KCNK10: variants seen among roughly 807,000 people sequenced by gnomAD.
The protein encoded by KCNK10 is potassium channel subfamily K member 10.
KCNK10 carries 25 observed loss-of-function variants against 47.7 expected under a neutral mutation model. The observed-to-expected ratio is 0.52, with a 90% CI of 0.38 to 0.73. KCNK10 has a LOEUF of 0.73. Among genes scored for constraint, KCNK10 ranks in the 30% least tolerant of loss-of-function variants. The pLI is 0.00. For missense variants in KCNK10, 563 were observed against 714.5 expected, an observed-to-expected ratio of 0.79 and a Z score of 2.42; for synonymous variants, 303 against 285.6, an observed-to-expected ratio of 1.06 and a Z score of -0.61.
In KCNK10 at chr14:88,323,232, AC is replaced by A; in HGVS notation, c.-435del. 9.9e-7 allele frequency: 1 copy of A among 1,013,606 alleles called. No individual in the cohort carries two copies. The highest frequency in any genetic ancestry group is 1.2e-6 in the Non-Finnish European group (1 of 846,864). The allele number at this position is 1,013,606 out of a possible 1,614,324, so 62.8% of individuals were successfully genotyped here. On this transcript the variant is annotated 5_prime_UTR_variant, in exon 1 of 7. Coordinates refer to ENST00000319231, the MANE Select transcript of KCNK10 (RefSeq NM_138317.3). ...AAGGCGTGTGCGCACACACTCCCGCACACACACACCCGCACACACACTCCCG... is the reference window on the plus strand; with the variant it reads ...AAGGCGTGTGCGCACACACTCCCGCAACACACACCCGCACACACACTCCCG...
chr14:88,274,532 C>A, intron 1 of KCNK10, among the ~76,000 whole-genome samples: 1 of 71,614 alleles, frequency 1.4e-5, no homozygotes. Context: ...GCCTGGGTGA[C>A]AGAGTGAGAC....
upstream of KCNK10, among the ~76,000 whole-genome samples, chr14:88,326,207 A>C (rs1460685570): frequency 1.5e-5 from 2 of 134,508 alleles, no homozygotes; most frequent in Non-Finnish European, 3.1e-5. Context: ...AAATCCACCA[A>C]AATTAGGTAA....
Position 88,185,501 on chromosome 14 carries a change from A to T in KCNK10, c.*34T>A. On this transcript the variant is annotated 3_prime_UTR_variant, in exon 7 of 7. Transcript: ENST00000319231. This position sits in a 1 kb window ranked among gnomAD's most constrained non-coding sequence, Gnocchi z 4.3. The stretch of plus-strand genomic sequence containing the variant: ...ATTAAAAACACACACACACACACAC[A>T]CAACGCTCAGTCCAAGACCAATGTC... 1 of 1,590,618 alleles carries T rather than the reference A, an allele frequency of 6.3e-7. No homozygotes were observed. The highest frequency in any genetic ancestry group is 8.6e-7 in the Non-Finnish European group (1 of 1,166,828).
intron 1 of KCNK10, among the ~76,000 whole-genome samples, chr14:88,278,081 G>A (rs1306255693): frequency 6.6e-6 from 1 of 152,218 alleles, no homozygotes; most frequent in African/African-American, 2.4e-5. Context: ...AATCCCTGCT[G>A]TCCAGGAATG....
chr14:88,189,784 C>T lies in KCNK10; in HGVS notation c.869-1675G>A, dbSNP rs528602282. ...CAACCATCAACTCTTGTTAATGTAT[C>T]GTTTTCCAATGATTGGGCAACCTTC... On this transcript the variant is annotated intron_variant, in intron 5 of 6. Transcript: ENST00000319231. Among the ~76,000 whole-genome samples the T allele has an allele frequency of 2.0e-5, 3 of 152,152 alleles. No homozygotes were observed. The South Asian group carries it at 6.2e-4, about 31-fold the overall frequency.
chr14:88,325,288 A>C (rs749262093), upstream of KCNK10, among the ~76,000 whole-genome samples: 2 of 152,158 alleles, frequency 1.3e-5, no homozygotes, highest in African/African-American at 2.4e-5. Flanking sequence ...CTGCAATACA[A>C]TGTTTTTTAC....
chr14:88,267,971 A>C (rs544330193), intron 1 of KCNK10, among the ~76,000 whole-genome samples: 57 of 152,310 alleles, frequency 3.7e-4, no homozygotes, highest in African/African-American at 1.3e-3. Context: ...ATCACACTGC[A>C]TGAGTCCAGG....
intron 1 of KCNK10, among the ~76,000 whole-genome samples, chr14:88,281,779 T>C (rs1887656898): frequency 6.7e-6 from 1 of 149,650 alleles, no homozygotes; most frequent in Non-Finnish European, 1.5e-5. Context: ...CATACATATG[T>C]ACATATATAC....
chr14:88,202,638 C>T (rs1451550659), intron 4 of KCNK10, among the ~76,000 whole-genome samples: 1 of 152,212 alleles, frequency 6.6e-6, no homozygotes, highest in Non-Finnish European at 1.5e-5. Flanking sequence ...TGTGGAGATT[C>T]TCAGAGGCAG....
intron 2 of KCNK10, among the ~76,000 whole-genome samples, chr14:88,245,098 A>G (rs965834819): frequency 2.0e-5 from 3 of 152,248 alleles, no homozygotes; most frequent in Non-Finnish European, 4.4e-5. Context: ...TGAATGTTTT[A>G]AGTTAACAAT....
chr14:88,294,769 C>A (rs1887952251), intron 1 of KCNK10, among the ~76,000 whole-genome samples: 1 of 152,208 alleles, frequency 6.6e-6, no homozygotes, highest in Non-Finnish European at 1.5e-5. Flanking sequence ...ATATTGCCAG[C>A]TTTCTCTTTC....
intron 2 of KCNK10, among the ~76,000 whole-genome samples, chr14:88,243,214 C>T (rs1011909933): frequency 1.8e-4 from 27 of 152,210 alleles, no homozygotes; most frequent in African/African-American, 6.5e-4. Context: ...TAAGTGCCTG[C>T]CTTTCGCCAG....
intron 2 of KCNK10, among the ~76,000 whole-genome samples, chr14:88,248,074 C>T (rs2139899908): frequency 6.6e-6 from 1 of 152,316 alleles, no homozygotes; most frequent in East Asian, 1.9e-4. Context: ...GGCAGAATAA[C>T]AAATTTGCCA....
intron 2 of KCNK10, among the ~76,000 whole-genome samples, chr14:88,244,362 T>G (rs1886566569): frequency 6.6e-6 from 1 of 152,194 alleles, no homozygotes; most frequent in Admixed American, 6.5e-5. Flanking sequence ...TAAAATTAAA[T>G]GCATTTGCTT....
chr14:88,258,497 G>T (rs967866681), intron 2 of KCNK10, among the ~76,000 whole-genome samples: 1 of 152,108 alleles, frequency 6.6e-6, no homozygotes, highest in Non-Finnish European at 1.5e-5. Flanking sequence ...CACCATGTTG[G>T]TCAGGCTGGT....
chr14:88,186,223 A>G lies in KCNK10; in HGVS notation c.1012-68T>C. 1 of 1,494,552 alleles carries G rather than the reference A, an allele frequency of 6.7e-7. No individual in the cohort carries two copies. Among genetic ancestry groups the G allele is most frequent in the Non-Finnish European group, 8.9e-7 (1 of 1,119,928 alleles). The allele number at this position is 1,494,552 out of a possible 1,614,324, so 92.6% of individuals were successfully genotyped here. On this transcript the variant is annotated intron_variant, in intron 6 of 6. Transcript: ENST00000319231. The surrounding 1 kb of genome is among the most constrained non-coding windows in gnomAD (Gnocchi z 5.5). ...TCCCTGCCTTGGCCTCCCAGCACCCACAGCCCTCGGGTGTCCCCACGGGGA... is the reference window on the plus strand; with the variant it reads ...TCCCTGCCTTGGCCTCCCAGCACCCGCAGCCCTCGGGTGTCCCCACGGGGA...
At chr14:88,314,651 A>G (rs1888392532) in intron 1 of KCNK10, among the ~76,000 whole-genome samples, 1 of 152,150 alleles carries the variant, frequency 6.6e-6, no homozygotes, top group Admixed American at 6.5e-5. Flanking sequence ...GTGCTCTGCT[A>G]TGGACCACTT....
intron 2 of KCNK10, among the ~76,000 whole-genome samples, chr14:88,246,268 A>G (rs1353968272): frequency 1.3e-5 from 2 of 150,324 alleles, no homozygotes; most frequent in African/African-American, 2.4e-5. Flanking sequence ...GTCTCAGAAA[A>G]AAAAAAAAAA....
At chr14:88,220,219 C>T (rs888116348) in intron 4 of KCNK10, among the ~76,000 whole-genome samples, 1 of 151,376 alleles carries the variant, frequency 6.6e-6, no homozygotes, top group Non-Finnish European at 1.5e-5. Flanking sequence ...AGATCGAGAC[C>T]ATCCCGGCTA....
Sources: gnomAD v4.1 joint callset for allele counts (sites outside exome capture counted in the v4.1 genomes callset) on GRCh38, gnomAD v4.1.1 for gene constraint, Gnocchi (gnomAD v3.1) non-coding constraint, MANE v1.5 for transcripts, NCBI Gene and HGNC (gene_info 2026-07-23, HGNC 2026-07-21) for gene names.